The following CPA6 variants were observed in gnomAD, a reference collection of about 807,000 sequenced individuals.
CPA6 encodes carboxypeptidase B.
In CPA6, 58 loss-of-function variants were observed where a neutral mutation model predicts 63.3. The ratio of observed to expected loss-of-function variants is 0.92; its 90% CI spans 0.74 to 1.14. CPA6 has a LOEUF of 1.14. CPA6 is among the 50% of genes most tolerant of loss of function. The probability of loss-of-function intolerance (pLI) is 0.00; values close to 1 mark genes in which losing one functional copy is unlikely to be tolerated. For missense variants in CPA6, 565 were observed against 526.6 expected (o/e 1.07, Z -0.71); for synonymous variants, 185 against 179.0 (o/e 1.03, Z -0.27).
chr8:67,466,738 T>C (rs1810935076), intron 8 of CPA6, among the ~76,000 whole-genome samples: 1 of 152,210 alleles, frequency 6.6e-6, no homozygotes, highest in South Asian at 2.1e-4. Context: ...CAAGAACAAG[T>C]TGGTTAATTT....
At chr8:67,719,554 C>T (rs1817451598) in intron 1 of CPA6, among the ~76,000 whole-genome samples, 1 of 152,076 alleles carries the variant, frequency 6.6e-6, no homozygotes, top group East Asian at 1.9e-4. Flanking sequence ...TGAAGTGTTT[C>T]GGATCAGCAG....
At chr8:67,677,616 T>C (rs1816504598) in intron 1 of CPA6, among the ~76,000 whole-genome samples, 2 of 152,262 alleles carry the variant, frequency 1.3e-5, no homozygotes, top group Middle Eastern at 3.4e-3. Flanking sequence ...ATGTGCCATA[T>C]ATAAATGAGA....
chr8:67,484,798 C>T lies in CPA6; in HGVS notation c.637-9G>A. 6.7e-7 allele frequency: 1 copy of T among 1,483,108 alleles called. No individual in the cohort carries two copies. The highest frequency in any genetic ancestry group is 1.2e-5 in the South Asian group (1 of 84,916). The allele number at this position is 1,483,108 out of a possible 1,614,324, so 91.9% of individuals were successfully genotyped here. ...TTATATGTTAGAAGAGCCTAAAAGA[C>T]AAAGGTGAGATTTTTCTTTTAAATT... On this transcript the variant is annotated splice_polypyrimidine_tract_variant and intron_variant, in intron 6 of 10. Coordinates refer to ENST00000297770, the MANE Select transcript of CPA6 (RefSeq NM_020361.5).
chr8:67,577,260 T>C (rs1813651579), intron 2 of CPA6, among the ~76,000 whole-genome samples: 1 of 152,236 alleles, frequency 6.6e-6, no homozygotes, highest in Non-Finnish European at 1.5e-5. Context: ...CATGAGGGTA[T>C]GAGTGACAGA....
In CPA6 at chr8:67,544,808, A is replaced by C. The variant is rs143927195; in HGVS notation, c.193-26761T>G. 1.8e-3 allele frequency among the ~76,000 whole-genome samples: 269 copies of C among 152,276 alleles called. 1 individual carries two copies. Among genetic ancestry groups the C allele is most frequent in the Non-Finnish European group, 2.9e-3 (198 of 68,010 alleles). ...TAATCCCCAACTTCCACCAGGATGC[A>C]AGCAGAGCTTACTGCGACTCCCCCT... On this transcript the variant is annotated intron_variant, in intron 2 of 10. Transcript: ENST00000297770.
intron 6 of CPA6, among the ~76,000 whole-genome samples, chr8:67,494,963 G>A (rs1811678547): frequency 6.6e-6 from 1 of 152,120 alleles, no homozygotes; most frequent in Non-Finnish European, 1.5e-5. Context: ...TTATCAAACA[G>A]CATTCATTCT....
intron 8 of CPA6, among the ~76,000 whole-genome samples, chr8:67,447,919 G>A (rs1810466422): frequency 6.6e-6 from 1 of 152,132 alleles, no homozygotes; most frequent in Non-Finnish European, 1.5e-5. Context: ...TGAGTAGCTG[G>A]GATTATAGAC....
chr8:67,587,791 T>C (rs1813986907), intron 2 of CPA6, among the ~76,000 whole-genome samples: 1 of 152,176 alleles, frequency 6.6e-6, no homozygotes, highest in Non-Finnish European at 1.5e-5. Context: ...TAATAAGGGC[T>C]ATGGTGAATT....
intron 1 of CPA6, among the ~76,000 whole-genome samples, chr8:67,722,425 T>TA (rs557039934): frequency 2.0e-4 from 30 of 151,680 alleles, no homozygotes; most frequent in Non-Finnish European, 3.1e-4. Context: ...GTAATTCTAA[T>TA]AAAAAAAAAT....
chr8:67,685,668 T>A (rs1432520302), intron 1 of CPA6, among the ~76,000 whole-genome samples: 13 of 152,184 alleles, frequency 8.5e-5, no homozygotes. Flanking sequence ...ACCACTGTGG[T>A]GTTATAACAG....
chr8:67,702,798 CAGG>C (rs373059012), intron 1 of CPA6, among the ~76,000 whole-genome samples: 16 of 152,298 alleles, frequency 1.1e-4, no homozygotes, highest in African/African-American at 3.8e-4. Flanking sequence ...AAGGAAGAAT[CAGG>C]GGAGAAGAGA....
chr8:67,489,230 C>T (rs1245859897), intron 6 of CPA6, among the ~76,000 whole-genome samples: 1 of 152,112 alleles, frequency 6.6e-6, no homozygotes, highest in East Asian at 1.9e-4. Context: ...CAGGCATGAG[C>T]TACCAGATCT....
At chr8:67,472,375 T>TTTTTATTTTATTTTA (rs1042918150) in intron 8 of CPA6, among the ~76,000 whole-genome samples, 11 of 68,980 alleles carry the variant, frequency 1.6e-4, no homozygotes, top group Admixed American at 9.7e-4. Flanking sequence ...AAGATTTATT[T>TTTTTATTTTATTTTA]TTTTATTTTA....
intron 2 of CPA6, among the ~76,000 whole-genome samples, chr8:67,518,516 T>TG (rs1812196668): frequency 6.7e-6 from 1 of 149,796 alleles, no homozygotes; most frequent in Middle Eastern, 3.2e-3. Context: ...TTTCTTTTTT[T>TG]TTTTTTTTGA....
chr8:67,532,109 A>C (rs1451506025), intron 2 of CPA6, among the ~76,000 whole-genome samples: 5 of 152,108 alleles, frequency 3.3e-5, no homozygotes. Context: ...AACTACAAAA[A>C]AGTAAAAAAA....
chr8:67,578,769 A>C (rs189009096), intron 2 of CPA6, among the ~76,000 whole-genome samples: 135 of 152,352 alleles, frequency 8.9e-4, no homozygotes, highest in African/African-American at 3.0e-3. Flanking sequence ...ATAATTAAAA[A>C]CATCATTTTC....
chr8:67,598,124 C>A (rs984709189), intron 2 of CPA6, among the ~76,000 whole-genome samples: 2 of 152,208 alleles, frequency 1.3e-5, no homozygotes, highest in African/African-American at 4.8e-5. Context: ...GGCTGTCTGG[C>A]CTGATCCTCC....
At chr8:67,613,385 A>G (rs1284848206) in intron 2 of CPA6, among the ~76,000 whole-genome samples, 3 of 152,226 alleles carry the variant, frequency 2.0e-5, no homozygotes, top group African/African-American at 4.8e-5. Flanking sequence ...TACTATTGCC[A>G]GGCACTAGGG....
intron 2 of CPA6, among the ~76,000 whole-genome samples, chr8:67,613,322 T>C (rs1443771235): frequency 6.6e-6 from 1 of 152,226 alleles, no homozygotes; most frequent in Non-Finnish European, 1.5e-5. Flanking sequence ...GGCAAATAGA[T>C]GGATGAATGA....
Sources: allele counts gnomAD v4.1 joint callset (sites outside exome capture counted in the v4.1 genomes callset), GRCh38; gene constraint gnomAD v4.1.1; transcripts MANE v1.5; gene names NCBI Gene and HGNC (gene_info 2026-07-23, HGNC 2026-07-21).